Variants in DNAH17 observed in about 807,000 individuals in gnomAD.
The protein encoded by DNAH17 is dynein axonemal heavy chain 17, also known as axonemal beta dynein heavy chain 17.
Under a neutral mutation model 485.6 loss-of-function variants are expected in DNAH17, and 376 were observed. That is an observed-to-expected ratio of 0.77 (90% CI 0.71 to 0.84). The LOEUF is 0.84. Ranked by LOEUF, DNAH17 falls within the 40% of genes least tolerant of loss-of-function variation. DNAH17 has a pLI of 0.00. For missense variants in DNAH17, 6,370 were observed against 5,839.3 expected (o/e 1.09, Z -2.96); for synonymous variants, 3,031 against 2,405.9 (o/e 1.26, Z -7.60).
In DNAH17 at chr17:78,459,009, T is replaced by C. The variant is rs774885664; in HGVS notation, c.9853A>G (p.Lys3285Glu). The C allele has an allele frequency of 8.2e-5, 133 of 1,613,904 alleles. 1 individual carries two copies. In the East Asian group the frequency reaches 3.0e-3, roughly 36 times the overall value. ...AQEKLSRIKN[K>E]IAELNANLSN... is the part of the protein sequence containing the mutation. ...AGCGAGCCGGCACTTACGGCAATCT[T>C]GTTTTTGATCCGGGACAGCTTCTCT... Residue 3285 changes from lysine to glutamate, a missense_variant, in exon 61 of 81, where the codon AAG (lysine) becomes GAG (glutamate). Physicochemically the swap from Lys to Glu is moderately conservative, Grantham distance 56 (BLOSUM62 1). Transcript: ENST00000389840.
At chr17:78,437,571 G>T in intron 74 of DNAH17, 70 bp downstream of exon 74, 2 of 1,351,602 alleles carry the variant, frequency 1.5e-6, no homozygotes, top group East Asian at 2.5e-5. Context: ...AGTGGTCCTC[G>T]GGGCCCCAAG....
At position 78,457,097 on chromosome 17, in the gene DNAH17, G is replaced by A. The variant is rs145464429; in HGVS notation, c.9978-1261C>T. ...GTTAAAAGGCATGAAGGGGCCGGGC[G>A]TGGTGGCTCACGCCTGTAATCCCAG... On this transcript the variant is annotated intron_variant, in intron 62 of 80. Coordinates refer to ENST00000389840, the MANE Select transcript of DNAH17 (RefSeq NM_173628.4). Among the ~76,000 whole-genome samples the A allele has an allele frequency of 3.1e-3, 478 of 152,354 alleles. 5 individuals carry two copies. The highest frequency in any genetic ancestry group is 0.011 in the African/African-American group (463 of 41,582).
rs1023644966 is a variant in DNAH17, at chr17:78,479,573, G to T, written c.7812C>A (p.Tyr2604Ter). Residue 2604 changes from tyrosine to a stop codon, truncating the protein, a stop_gained, in exon 50 of 81, where the codon TAC (tyrosine) becomes TAA (stop). Coordinates refer to ENST00000389840, the MANE Select transcript of DNAH17 (RefSeq NM_173628.4). LOFTEE classifies it high-confidence loss of function. ...FPGQEALTTI[Y>*]NTILTQHLAF... ...CCAGGTGCTGCGTCAGGATTGTGTT[G>T]TAGATGGTGGTGAGGGCCTCCTGGC... 6.2e-7 allele frequency: 1 copy of T among 1,613,664 alleles called. No homozygotes were observed. The highest frequency in any genetic ancestry group is 1.7e-5 in the Admixed American group (1 of 60,012).
intron 13 of DNAH17, 28 bp from the exon 14 acceptor site, chr17:78,558,282 A>C: frequency 6.2e-7 from 1 of 1,610,744 alleles, no homozygotes; most frequent in Non-Finnish European, 8.5e-7. Flanking sequence ...ATCAAAGAAC[A>C]TGTCAGCAGG....
chr17:78,458,864 T>C (rs577406015), intron 61 of DNAH17, 137 bp downstream of exon 61: 84 of 1,111,868 alleles, frequency 7.6e-5, no homozygotes, highest in Non-Finnish European at 1.0e-4. Flanking sequence ...GGCCCCTGCC[T>C]CTGCCTGCAT....
chr17:78,464,890 C>T (rs2088338986), intron 56 of DNAH17, among the ~76,000 whole-genome samples: 2 of 152,248 alleles, frequency 1.3e-5, no homozygotes, highest in Non-Finnish European at 2.9e-5. Context: ...ATTTGTTCAT[C>T]ATGAATTTTT....
In DNAH17 at chr17:78,498,172, T is replaced by C. The variant is rs1489320355; in HGVS notation, c.5745+836A>G. On this transcript the variant is annotated intron_variant, in intron 37 of 80. Coordinates refer to ENST00000389840, the MANE Select transcript of DNAH17 (RefSeq NM_173628.4). ...AACAAAACATAAATAAATAAATAAA[T>C]AAATAAATAAATAAATAAATAAAGC... is the stretch of plus-strand genomic sequence containing the variant. 2.0e-5 allele frequency among the ~76,000 whole-genome samples: 3 copies of C among 150,668 alleles called. No homozygotes were observed. The East Asian group carries it at 5.8e-4, about 29-fold the overall frequency.
rs2146686512 is a variant in DNAH17 at position 78,494,638 on chromosome 17, G to A, written c.6225C>T (p.Phe2075=). 1.2e-6 allele frequency: 2 copies of A among 1,613,952 alleles called. No individual in the cohort carries two copies. The highest frequency in any genetic ancestry group is 1.7e-5 in the Admixed American group (1 of 60,034). Residue 2075 remains phenylalanine (F), a synonymous_variant, in exon 40 of 81, where the codon TTC becomes TTT. Transcript: ENST00000389840. ...GTTTCCGAGGCACGTCCAGAGCCGGGAAGAGGTCCCCGATCAGTCCCATGA... is the reference window on the plus strand; with the variant it reads ...GTTTCCGAGGCACGTCCAGAGCCGGAAAGAGGTCCCCGATCAGTCCCATGA... ...PVFMGLIGDL[F]PALDVPRKRD...
Position 78,526,670 on chromosome 17 carries a change from G to T in DNAH17, c.3692C>A (p.Pro1231His). Residue 1231 changes from proline (P) to histidine (H), a missense_variant, in exon 24 of 81, where the codon CCC becomes CAC. Pro to His is a moderately conservative substitution (Grantham distance 77, BLOSUM62 -2). Coordinates refer to ENST00000389840, the MANE Select transcript of DNAH17 (RefSeq NM_173628.4). ...EAPFSFSDPNPYKSLNKQQKS... is the reference protein window; with the variant it reads ...EAPFSFSDPNHYKSLNKQQKS... Reference sequence around the variant, plus strand: ...AAATACCTTATTCAGGGACTTGTAGGGGTTGGGGTCGCTGAAGGAGAACGG... The same window carrying T: ...AAATACCTTATTCAGGGACTTGTAGTGGTTGGGGTCGCTGAAGGAGAACGG... The T allele has an allele frequency of 6.2e-6, 10 of 1,610,234 alleles. No individual in the cohort carries two copies. Among genetic ancestry groups the T allele is most frequent in the Non-Finnish European group, 8.5e-6 (10 of 1,177,220 alleles).
rs2090493684 is a variant in DNAH17 at position 78,506,662 on chromosome 17, C to T, written c.4803+58G>A. The T allele has an allele frequency of 6.2e-6, 10 of 1,610,408 alleles. No individual in the cohort carries two copies. The South Asian group carries it at 1.1e-4, about 18-fold the overall frequency. On this transcript the variant is annotated intron_variant, in intron 30 of 80. Coordinates refer to ENST00000389840, the MANE Select transcript of DNAH17 (RefSeq NM_173628.4). ...CTAGGGCGGTTGAGGTAGAGGTGCC[C>T]ACCTGGGGTCTGGCATGATGTTGGC...
Position 78,492,767 on chromosome 17 carries a change from T to C in DNAH17, c.6409-2A>G. The C allele has an allele frequency of 1.2e-6, 2 of 1,607,220 alleles. No homozygotes were observed. Among genetic ancestry groups the C allele is most frequent in the Non-Finnish European group, 1.7e-6 (2 of 1,176,696 alleles). ...GGTCTTGTTGAGGGATTTGAGGACC[T>C]GGCGAAGGTGGGGGTCACTCACGTG... On this transcript the variant is annotated splice_acceptor_variant, in intron 41 of 80. Transcript: ENST00000389840. LOFTEE classifies it high-confidence loss of function.
chr17:78,505,501 G>T, intron 30 of DNAH17, 56 bp from the exon 31 acceptor site: 1 of 1,610,788 alleles, frequency 6.2e-7, no homozygotes, highest in Non-Finnish European at 8.5e-7. Flanking sequence ...AGGCATGTGC[G>T]TGGCTTGGGC....
chr17:78,461,737 A>G (rs2088138550), intron 57 of DNAH17, 29 bp from the exon 58 acceptor site: 25 of 1,595,426 alleles, frequency 1.6e-5, no homozygotes, highest in Non-Finnish European at 2.0e-5. Context: ...AGAAACAGCA[A>G]GTGTGGGCCG....
chr17:78,551,663 T>C, intron 15 of DNAH17, 25 bp from the exon 16 acceptor site: 1 of 1,610,524 alleles, frequency 6.2e-7, no homozygotes, highest in Non-Finnish European at 8.5e-7. Context: ...TAGAGGAATC[T>C]TACAAAATGA....
intron 51 of DNAH17, 140 bp from the exon 52 acceptor site, chr17:78,476,873 GC>G: frequency 9.8e-7 from 1 of 1,019,310 alleles, no homozygotes; most frequent in Non-Finnish European, 1.4e-6. Flanking sequence ...TTCACTTGGG[GC>G]CAGGGAAGCC....
chr17:78,512,922 CAGAG>C (rs1002475065), intron 26 of DNAH17, among the ~76,000 whole-genome samples: 1 of 111,196 alleles, frequency 9.0e-6, no homozygotes, highest in African/African-American at 3.6e-5. Context: ...GCCTGGGCAA[CAGAG>C]AGAGACTCTA....
chr17:78,475,732 A>G lies in DNAH17; in HGVS notation c.8256T>C (p.Pro2752=). The G allele has an allele frequency of 6.2e-7, 1 of 1,613,898 alleles. No individual in the cohort carries two copies. Residue 2752 remains proline, a synonymous_variant, in exon 53 of 81, where the codon CCT becomes CCC. Coordinates refer to ENST00000389840, the MANE Select transcript of DNAH17 (RefSeq NM_173628.4). ...PKYVPVTDMA[P]LNKLLVDVLD... The stretch of plus-strand genomic sequence containing the variant: ...GGACGTCCACGAGGAGCTTGTTCAG[A>G]GGAGCCATGTCGGTTACAGGAACAT...
chr17:78,454,729 T>C, intron 63 of DNAH17, 24 bp from the exon 64 acceptor site: 1 of 1,589,092 alleles, frequency 6.3e-7, no homozygotes, highest in Non-Finnish European at 8.6e-7. Flanking sequence ...CACACTTTCT[T>C]AGAGGGGGTA....
At chr17:78,494,414 C>T (rs2146685504) in intron 40 of DNAH17, among the ~76,000 whole-genome samples, 179 bp downstream of exon 40, 1 of 152,124 alleles carries the variant, frequency 6.6e-6, no homozygotes, top group East Asian at 1.9e-4. Flanking sequence ...GTGACCTCCC[C>T]CAGCACTGAC....
Sources: gnomAD v4.1 joint callset for allele counts (sites outside exome capture counted in the v4.1 genomes callset) on GRCh38, gnomAD v4.1.1 for gene constraint, MANE v1.5 for transcripts, NCBI Gene and HGNC (gene_info 2026-07-23, HGNC 2026-07-21) for gene names.